STK26: variants seen among roughly 807,000 people sequenced by gnomAD.
The protein encoded by STK26 is serine/threonine kinase 26, also known as serine/threonine-protein kinase 26.
A neutral mutation model predicts 34.7 loss-of-function variants in STK26; 14 were observed. The ratio of observed to expected loss-of-function variants is 0.40; its 90% confidence interval spans 0.27 to 0.63. STK26 has a LOEUF of 0.63. Ranked by LOEUF, STK26 falls within the 30% of genes least tolerant of loss-of-function variation. STK26 has a pLI of 0.38. For synonymous variants in STK26, 100 were observed against 109.8 expected (o/e 0.91, Z 0.56); for missense variants, 226 against 309.1 (o/e 0.73, Z 2.02).
chrX:132,054,332 C>T (rs370224501), intron 2 of STK26, among the ~76,000 whole-genome samples: 5 of 112,161 alleles, frequency 4.5e-5, no homozygotes, highest in East Asian at 5.6e-4. Context: ...GTATAATCAG[C>T]GGCTTTATTC....
chrX:132,059,614 A>T (rs1926979508), intron 3 of STK26, among the ~76,000 whole-genome samples: 1 of 111,684 alleles, frequency 9.0e-6, no homozygotes, highest in Non-Finnish European at 1.9e-5. Context: ...ATAATATTGG[A>T]ATAATCTTTT....
At chrX:132,074,075 A>G in intron 11 of STK26, 60 bp from the exon 12 acceptor site, 2 of 1,050,974 alleles carry the variant, frequency 1.9e-6, no homozygotes, top group Non-Finnish European at 2.6e-6. Context: ...AGTTCATACA[A>G]AGGAGAAATA....
chrX:132,024,932 TAAAG>T (rs1223864827), intron 2 of STK26, among the ~76,000 whole-genome samples: 1 of 108,258 alleles, frequency 9.2e-6, no homozygotes, highest in African/African-American at 3.5e-5. Context: ...GTATATTAAA[TAAAG>T]AGAGAGAGAG....
At chrX:132,072,028 C>T (rs1322793094) in intron 8 of STK26, among the ~76,000 whole-genome samples, 1 of 111,473 alleles carries the variant, frequency 9.0e-6, no homozygotes, top group Non-Finnish European at 1.9e-5. Context: ...TAGTGAGGGA[C>T]AGGTATTTAT....
At chrX:132,037,916 A>G (rs960137178) in intron 2 of STK26, among the ~76,000 whole-genome samples, 2 of 108,993 alleles carry the variant, frequency 1.8e-5, no homozygotes, top group Non-Finnish European at 3.8e-5. Context: ...TAATGAATCA[A>G]TTTCGAGGTT....
intron 2 of STK26, among the ~76,000 whole-genome samples, chrX:132,033,886 G>T (rs1463500501): frequency 9.1e-6 from 1 of 110,301 alleles, no homozygotes; most frequent in East Asian, 2.8e-4. Flanking sequence ...TCCCAAATGA[G>T]ATAGAATCTG....
At chrX:132,031,017 G>T (rs1254590484) in intron 2 of STK26, among the ~76,000 whole-genome samples, 1 of 110,725 alleles carries the variant, frequency 9.0e-6, no homozygotes, top group African/African-American at 3.3e-5. Context: ...GTTTACTGCA[G>T]CCTCAACCTC....
intron 7 of STK26, 119 bp from the exon 8 acceptor site, chrX:132,070,950 G>A: frequency 1.3e-6 from 1 of 769,545 alleles, no homozygotes. Context: ...TTGTTCTTAT[G>A]TCTACAGACA....
chrX:132,053,058 A>G (rs1014065981), intron 2 of STK26, among the ~76,000 whole-genome samples: 2 of 112,045 alleles, frequency 1.8e-5, no homozygotes, highest in Non-Finnish European at 3.8e-5. Flanking sequence ...AAGGAAATCA[A>G]TAATGATGGC....
Position 132,044,684 on chromosome X carries a change from T to G in STK26, c.43-9947T>G, listed in dbSNP as rs866661787. ...CTCTCTCGAGATCTATATATATATA[T>G]ATATAGAGAGAGAGAGAGAGAGAGA... On this transcript the variant is annotated intron_variant, in intron 2 of 11. Coordinates refer to ENST00000394334, the MANE Select transcript of STK26 (RefSeq NM_016542.4). 1.8e-4 allele frequency among the ~76,000 whole-genome samples: 12 copies of G among 68,256 alleles called. 1 individual carries two copies. The highest frequency in any genetic ancestry group is 1.5e-3 in the Admixed American group (10 of 6,557). The allele number at this position is 68,256 out of a possible 115,157, so 59.3% of individuals were successfully genotyped here. A position where few individuals can be genotyped will look rare whatever the true frequency, so the allele number is the denominator to read the frequency against.
At chrX:132,069,408 C>CAT (rs1569336318) in intron 6 of STK26, 70 bp from the exon 7 acceptor site, 7 of 124,329 alleles carry the variant, frequency 5.6e-5, no homozygotes, top group South Asian at 1.4e-3. Flanking sequence ...TACATACATA[C>CAT]ACATATATAT....
intron 2 of STK26, among the ~76,000 whole-genome samples, chrX:132,035,382 T>C (rs968127479): frequency 6.3e-5 from 7 of 111,528 alleles, no homozygotes; most frequent in Non-Finnish European, 1.9e-5. Flanking sequence ...ATGTGTGCTG[T>C]TAAGTAACCT....
chrX:132,036,407 C>T (rs1926051178), intron 2 of STK26, among the ~76,000 whole-genome samples: 1 of 111,649 alleles, frequency 9.0e-6, no homozygotes, highest in South Asian at 3.7e-4. Flanking sequence ...CCAGTCTGGC[C>T]AACATGGTAA....
At chrX:132,036,640 C>T (rs2124138938) in intron 2 of STK26, among the ~76,000 whole-genome samples, 1 of 111,548 alleles carries the variant, frequency 9.0e-6, no homozygotes, top group African/African-American at 3.3e-5. Context: ...TCACTAGAAT[C>T]CCTAAGCGAC....
In STK26 at chrX:132,067,200, A is replaced by G. The variant is rs1035857352; in HGVS notation, c.331-1015A>G. 1.5e-4 allele frequency among the ~76,000 whole-genome samples: 17 copies of G among 111,789 alleles called. No homozygotes were observed. The Admixed American group carries it at 1.6e-3, about 11-fold the overall frequency. ...GTTCTATTTTAAGCTGTTAAATTTCAACATGAAAGTGCCCTTTATTCAGCA... is the reference window on the plus strand; with the variant it reads ...GTTCTATTTTAAGCTGTTAAATTTCGACATGAAAGTGCCCTTTATTCAGCA... On this transcript the variant is annotated intron_variant, in intron 4 of 11. Transcript: ENST00000394334.
At chrX:132,024,471 A>T (rs951707600) in intron 2 of STK26, among the ~76,000 whole-genome samples, 2 of 111,670 alleles carry the variant, frequency 1.8e-5, no homozygotes, top group Non-Finnish European at 3.8e-5. Flanking sequence ...TTATGCTGTT[A>T]TGTTTTTAAA....
chrX:132,063,395 C>T (rs371674320), intron 3 of STK26, 38 bp from the exon 4 acceptor site: 11 of 1,145,185 alleles, frequency 9.6e-6, no homozygotes, highest in African/African-American at 3.6e-5. Flanking sequence ...TATTTTGGCT[C>T]AGGTTTGTAA....
intron 2 of STK26, among the ~76,000 whole-genome samples, chrX:132,049,827 C>T (rs930620250): frequency 2.4e-4 from 27 of 112,249 alleles, no homozygotes; most frequent in Non-Finnish European, 4.7e-4. Context: ...TATTTTATAG[C>T]TACAGCATTC....
intron 7 of STK26, among the ~76,000 whole-genome samples, chrX:132,070,645 T>C (rs1927384685): frequency 8.8e-6 from 1 of 113,087 alleles, no homozygotes; most frequent in African/African-American, 3.2e-5. Flanking sequence ...ATTATATGTG[T>C]AGATAATAAC....
Sources: allele counts gnomAD v4.1 joint callset (sites outside exome capture counted in the v4.1 genomes callset), GRCh38; gene constraint gnomAD v4.1.1; transcripts MANE v1.5; gene names NCBI Gene and HGNC (gene_info 2026-07-23, HGNC 2026-07-21).